FGF13: variants seen among roughly 807,000 people sequenced by gnomAD.
The protein encoded by FGF13 is fibroblast growth factor 13, also known as fibroblast growth factor homologous factor 2.
In FGF13, 2 loss-of-function variants were observed where a neutral mutation model predicts 19.5. The observed-to-expected ratio is 0.10, with a 90% confidence interval of 0.04 to 0.32. FGF13 has a LOEUF of 0.32. Among genes scored for constraint, FGF13 ranks in the 10% least tolerant of loss-of-function variants. FGF13 has a pLI of 1.00. For synonymous variants in FGF13, 72 were observed against 76.9 expected, an observed-to-expected ratio of 0.94 and a Z score of 0.33; for missense variants, 113 against 192.7, an observed-to-expected ratio of 0.59 and a Z score of 2.45.
chrX:138,710,284 G>A lies in FGF13; in HGVS notation c.187+533C>T, dbSNP rs758012152. On this transcript the variant is annotated intron_variant, in intron 1 of 4. Transcript: ENST00000315930. ...CCGCCCCAGCAAACATTTCGAAGCTGCACCACAAGTCAAGTCTGTCCCAAA... is the reference window on the plus strand; with the variant it reads ...CCGCCCCAGCAAACATTTCGAAGCTACACCACAAGTCAAGTCTGTCCCAAA... Among the ~76,000 whole-genome samples the A allele has an allele frequency of 2.0e-3, 171 of 85,331 alleles. 1 individual carries two copies. The highest frequency in any genetic ancestry group is 2.9e-3 in the Non-Finnish European group (131 of 45,168). The allele number at this position is 85,331 out of a possible 115,157, so 74.1% of individuals were successfully genotyped here. A position where few individuals can be genotyped will look rare whatever the true frequency, so the allele number is the denominator to read the frequency against.
intron 3 of FGF13, among the ~76,000 whole-genome samples, chrX:138,656,037 C>A (rs1478972794): frequency 1.8e-5 from 2 of 112,254 alleles, no homozygotes; most frequent in East Asian, 5.6e-4. Flanking sequence ...CCTAGGGATA[C>A]TACAGTGAAC....
chrX:138,942,013 T>C (rs186208641), intron 1 of FGF13, among the ~76,000 whole-genome samples: 1 of 112,282 alleles, frequency 8.9e-6, no homozygotes, highest in African/African-American at 3.2e-5. Flanking sequence ...TATTTTCAAA[T>C]AAACAGAGTC....
At chrX:138,822,253 C>G (rs2091004325) in intron 3 of FGF13, among the ~76,000 whole-genome samples, 1 of 112,025 alleles carries the variant, frequency 8.9e-6, no homozygotes, top group Non-Finnish European at 1.9e-5. Context: ...CATTGTTGCA[C>G]ATAGTAATGC....
chrX:139,009,464 C>G (rs1363652273), intron 1 of FGF13, among the ~76,000 whole-genome samples: 1 of 111,830 alleles, frequency 8.9e-6, no homozygotes, highest in Non-Finnish European at 1.9e-5. Flanking sequence ...TCAGCAGAAA[C>G]CCTACAAGCT....
chrX:138,881,997 A>G (rs1028860186), intron 1 of FGF13, among the ~76,000 whole-genome samples: 12 of 110,255 alleles, frequency 1.1e-4, no homozygotes, highest in African/African-American at 3.9e-4. Context: ...AAGTTAGGTT[A>G]TTGATTTGAT....
chrX:139,115,947 G>A (rs947077499), intron 1 of FGF13, among the ~76,000 whole-genome samples: 1 of 111,869 alleles, frequency 8.9e-6, no homozygotes. Context: ...ATATATAATG[G>A]GTACACCAGG....
At chrX:139,006,120 A>G (rs1446093445) in intron 1 of FGF13, among the ~76,000 whole-genome samples, 1 of 111,488 alleles carries the variant, frequency 9.0e-6, no homozygotes, top group Non-Finnish European at 1.9e-5. Context: ...AAAGAAGACT[A>G]TCTCAAGGCA....
At chrX:139,102,241 C>A (rs904421553) in intron 1 of FGF13, among the ~76,000 whole-genome samples, 4 of 111,334 alleles carry the variant, frequency 3.6e-5, no homozygotes, top group Non-Finnish European at 7.5e-5. Flanking sequence ...TTTTAACATC[C>A]CTGCTTTATT....
chrX:139,067,800 T>C (rs943335813), intron 1 of FGF13, among the ~76,000 whole-genome samples: 1 of 111,771 alleles, frequency 8.9e-6, no homozygotes, highest in Admixed American at 9.5e-5. Flanking sequence ...GAAGTGTCTG[T>C]TCATTTCCTT....
intron 1 of FGF13, among the ~76,000 whole-genome samples, chrX:138,922,743 T>G (rs1193633188): frequency 8.9e-6 from 1 of 112,104 alleles, no homozygotes; most frequent in Non-Finnish European, 1.9e-5. Context: ...ATATCTGTAT[T>G]TGCCTATTCC....
At chrX:138,713,867 C>A (rs2090077369), upstream of FGF13, among the ~76,000 whole-genome samples, 1 of 111,364 alleles carries the variant, frequency 9.0e-6, no homozygotes, top group Non-Finnish European at 1.9e-5. Flanking sequence ...GTAAATACAT[C>A]CTTTTGTTTC....
rs55971397 is a variant in FGF13 at position 139,066,625 on chromosome X, G to C, written c.-113+136791C>G. ...GACCAGTAACAACTTCTGAAGTCTA[G>C]GCAGTAACTAGTAGCCTACCAACCA... On this transcript the variant is annotated intron_variant, in intron 1 of 2. Transcript: ENST00000421460. Among the ~76,000 whole-genome samples the C allele has an allele frequency of 4.9e-3, 543 of 111,545 alleles. 4 individuals carry two copies. The highest frequency in any genetic ancestry group is 8.0e-3 in the Non-Finnish European group (425 of 53,089).
chrX:138,858,661 T>C (rs766008145), intron 2 of FGF13, among the ~76,000 whole-genome samples: 5 of 111,318 alleles, frequency 4.5e-5, no homozygotes, highest in Non-Finnish European at 9.4e-5. Context: ...AGCTGACTCA[T>C]TCTACTACCC....
chrX:138,812,739 A>T (rs2090935394), intron 3 of FGF13, among the ~76,000 whole-genome samples: 2 of 112,038 alleles, frequency 1.8e-5, no homozygotes, highest in African/African-American at 6.5e-5. Context: ...CTTCTAAAAA[A>T]AATGGGATAC....
chrX:138,825,990 C>A (rs761724133), intron 3 of FGF13, among the ~76,000 whole-genome samples: 1 of 111,438 alleles, frequency 9.0e-6, no homozygotes, highest in Non-Finnish European at 1.9e-5. Flanking sequence ...CTGGGACAAC[C>A]TATGAGGACG....
In FGF13 at chrX:139,014,352, A is replaced by G. The variant is rs151134887; in HGVS notation, c.-112-149702T>C. On this transcript the variant is annotated intron_variant, in intron 1 of 2. Coordinates refer to the FGF13 transcript ENST00000421460. Reference sequence around the variant, plus strand: ...TTTTGAAAAGACAGACAAAACTGACAAACCTTTAGCCAGATTAACCAAGGA... The same window carrying G: ...TTTTGAAAAGACAGACAAAACTGACGAACCTTTAGCCAGATTAACCAAGGA... 9.4e-3 allele frequency among the ~76,000 whole-genome samples: 1,050 copies of G among 111,646 alleles called. 10 individuals carry two copies. The highest frequency in any genetic ancestry group is 0.032 in the African/African-American group (976 of 30,817).
intron 1 of FGF13, among the ~76,000 whole-genome samples, chrX:139,132,424 G>T (rs1355978257): frequency 8.9e-6 from 1 of 112,372 alleles, no homozygotes. Context: ...ATGTAAGAGA[G>T]CATGTTGGTA....
chrX:138,933,908 T>C (rs951088457), intron 1 of FGF13, among the ~76,000 whole-genome samples: 1 of 112,047 alleles, frequency 8.9e-6, no homozygotes, highest in Non-Finnish European at 1.9e-5. Flanking sequence ...GAACCAGCCA[T>C]AGTAACTGTA....
At chrX:138,709,037 C>A in intron 1 of FGF13, 109 bp from the exon 2 acceptor site, 1 of 437,548 alleles carries the variant, frequency 2.3e-6, no homozygotes, top group South Asian at 4.8e-5. Context: ...TGGAAAAAGT[C>A]AAACTACACT....
Sources: allele counts gnomAD v4.1 joint callset (sites outside exome capture counted in the v4.1 genomes callset), GRCh38; gene constraint gnomAD v4.1.1; transcripts MANE v1.5; gene names NCBI Gene and HGNC (gene_info 2026-07-23, HGNC 2026-07-21).